Variants in SLC4A5 observed in about 807,000 individuals in gnomAD.
The protein encoded by SLC4A5 is electrogenic sodium bicarbonate cotransporter 4.
In SLC4A5, 96 loss-of-function variants were observed where a neutral mutation model predicts 120.4. That is an observed-to-expected ratio of 0.80 (90% CI 0.68 to 0.94). The LOEUF (loss-of-function observed/expected upper bound fraction) is 0.94, where lower values mean the gene tolerates loss of function less well. Ranked by LOEUF, SLC4A5 falls within the 40% of genes least tolerant of loss-of-function variation. The pLI is 0.00. For synonymous variants in SLC4A5, 550 were observed against 571.1 expected (o/e 0.96, Z 0.53); for missense variants, 1,259 against 1,459.5 (o/e 0.86, Z 2.24).
At chr2:74,320,143 G>T (rs919240853) in intron 5 of SLC4A5, among the ~76,000 whole-genome samples, 8 of 151,840 alleles carry the variant, frequency 5.3e-5, no homozygotes, top group African/African-American at 1.9e-4. Flanking sequence ...GACAAAACAA[G>T]AAAACCAGAG....
At chr2:74,309,653 GA>G (rs764327530) in intron 6 of SLC4A5, among the ~76,000 whole-genome samples, 6 of 150,976 alleles carry the variant, frequency 4.0e-5, no homozygotes, top group Middle Eastern at 3.4e-3. Context: ...GCATGAACAT[GA>G]AATTTTTTTT....
intron 3 of SLC4A5, among the ~76,000 whole-genome samples, chr2:74,338,641 A>G (rs1017693011): frequency 3.3e-5 from 5 of 152,144 alleles, no homozygotes; most frequent in Admixed American, 6.5e-5. Flanking sequence ...CAACATGGTG[A>G]AACCCCATGT....
chr2:74,305,721 CTTTTTTT>C (rs35627197), intron 6 of SLC4A5, among the ~76,000 whole-genome samples: 2 of 115,340 alleles, frequency 1.7e-5, no homozygotes, highest in Admixed American at 9.2e-5. Flanking sequence ...CTTTTCTTTC[CTTTTTTT>C]TTTTTTTTTT....
At chr2:74,232,325 A>G in intron 24 of SLC4A5, 144 bp downstream of exon 24, 1 of 932,340 alleles carries the variant, frequency 1.1e-6, no homozygotes, top group Non-Finnish European at 1.6e-6. Context: ...CCCTCCAGGG[A>G]TAGCACTCCT....
At chr2:74,249,575 G>C (rs1375774130) in intron 17 of SLC4A5, among the ~76,000 whole-genome samples, 1 of 152,170 alleles carries the variant, frequency 6.6e-6, no homozygotes, top group Admixed American at 6.5e-5. Context: ...TGGGGCAGCT[G>C]GGACTTATGA....
intron 5 of SLC4A5, among the ~76,000 whole-genome samples, chr2:74,322,131 G>A (rs1245282163): frequency 6.6e-6 from 1 of 151,810 alleles, no homozygotes; most frequent in African/African-American, 2.4e-5. Flanking sequence ...GACAAATCTG[G>A]GTTCCTGAGA....
intron 8 of SLC4A5, among the ~76,000 whole-genome samples, chr2:74,276,130 AAGAG>A (rs1456367731): frequency 2.6e-5 from 4 of 152,162 alleles, no homozygotes; most frequent in Non-Finnish European, 4.4e-5. Flanking sequence ...GAGTAGGCAG[AAGAG>A]AGAAAGGAGA....
intron 6 of SLC4A5, chr2:74,306,845 A>T (rs781657542): frequency 1.4e-4 from 90 of 647,160 alleles, no homozygotes; most frequent in Middle Eastern, 4.4e-4. Context: ...CATCACCAAG[A>T]TTGAAGTCCT....
intron 19 of SLC4A5, among the ~76,000 whole-genome samples, chr2:74,245,462 G>A (rs1168122450): frequency 1.3e-5 from 2 of 152,172 alleles, no homozygotes; most frequent in Non-Finnish European, 2.9e-5. Context: ...AAGCACGTAG[G>A]AGGGCCCTGA....
At chr2:74,254,506 T>A in intron 14 of SLC4A5, 113 bp downstream of exon 14, 1 of 795,116 alleles carries the variant, frequency 1.3e-6, no homozygotes, top group South Asian at 1.5e-5. Context: ...ATGTAGTGCC[T>A]GGTACACAGT....
At chr2:74,257,213 G>A (rs991369206) in intron 12 of SLC4A5, among the ~76,000 whole-genome samples, 1 of 151,834 alleles carries the variant, frequency 6.6e-6, no homozygotes, top group African/African-American at 2.4e-5. Context: ...GTGAGCAATG[G>A]CACTACCCTT....
At chr2:74,310,490 A>G (rs1672771547) in intron 6 of SLC4A5, among the ~76,000 whole-genome samples, 1 of 151,990 alleles carries the variant, frequency 6.6e-6, no homozygotes, top group South Asian at 2.1e-4. Context: ...TTCCTAGTTT[A>G]CTGCAAGTTT....
intron 21 of SLC4A5, among the ~76,000 whole-genome samples, chr2:74,237,637 ACTTAGTTAAGATGG>A (rs1424920067): frequency 2.0e-5 from 3 of 152,208 alleles, no homozygotes; most frequent in Non-Finnish European, 4.4e-5. Flanking sequence ...CAGCTGTAAT[ACTTAGTTAAGATGG>A]CTTTAGGAGA....
rs773309024 is a variant in SLC4A5 at position 74,231,315 on chromosome 2, GAGA to G, written c.2775-10_2775-8del. 5 of 1,609,790 alleles carry G rather than the reference GAGA, an allele frequency of 3.1e-6. No individual in the cohort carries two copies. The highest frequency in any genetic ancestry group is 2.2e-5 in the East Asian group (1 of 44,822). ...GCCGGTTACTCTCTGTTCCCTGGCA[GAGA>G]AGAACACATGGTCAGGGTGTACCAG... On this transcript the variant is annotated splice_polypyrimidine_tract_variant and splice_region_variant and intron_variant, in intron 24 of 30. Transcript: ENST00000394019.
chr2:74,269,071 T>G (rs1671390740), intron 8 of SLC4A5, among the ~76,000 whole-genome samples: 1 of 152,222 alleles, frequency 6.6e-6, no homozygotes, highest in Non-Finnish European at 1.5e-5. Context: ...GTAGCTGACC[T>G]TTTTGTGGAG....
intron 23 of SLC4A5, 114 bp downstream of exon 23, chr2:74,233,288 G>A (rs1402158172): frequency 1.0e-4 from 130 of 1,251,528 alleles, no homozygotes; most frequent in Non-Finnish European, 3.7e-5. Flanking sequence ...TCTAGTCTCT[G>A]TCCTCATATT....
intron 6 of SLC4A5, chr2:74,307,578 A>G (rs1672684092): frequency 2.9e-6 from 2 of 682,544 alleles, no homozygotes; most frequent in Non-Finnish European, 5.4e-6. Context: ...GGCATTGTCC[A>G]CAGTATTTGC....
In SLC4A5 at chr2:74,276,864, A is replaced by T. The variant is rs116539678; in HGVS notation, c.401+8909T>A. On this transcript the variant is annotated intron_variant, in intron 8 of 30. Coordinates refer to ENST00000394019, the Ensembl canonical transcript of SLC4A5. ...GGAATCGCTGTGGGATGGTCCCTTG[A>T]GTAGGGTGGATGTGAACATGGAAGC... 2.9e-3 allele frequency among the ~76,000 whole-genome samples: 435 copies of T among 152,030 alleles called. 1 individual carries two copies. Among genetic ancestry groups the T allele is most frequent in the African/African-American group, 9.6e-3 (400 of 41,478 alleles).
At chr2:74,284,333 C>T (rs1336393106) in intron 8 of SLC4A5, among the ~76,000 whole-genome samples, 1 of 116,350 alleles carries the variant, frequency 8.6e-6, no homozygotes, top group Non-Finnish European at 1.6e-5. Context: ...CCCGCCACCG[C>T]GCCCGGCTAA....
Sources: gnomAD v4.1 joint callset for allele counts (sites outside exome capture counted in the v4.1 genomes callset) on GRCh38, gnomAD v4.1.1 for gene constraint, MANE v1.5 for transcripts, NCBI Gene and HGNC (gene_info 2026-07-23, HGNC 2026-07-21) for gene names.